The following SKAP2 variants were observed in gnomAD, a reference collection of about 807,000 sequenced individuals.
SKAP2 encodes src kinase-associated phosphoprotein 2.
In SKAP2, 28 loss-of-function variants were observed where a neutral mutation model predicts 54.9. That is an observed-to-expected ratio of 0.51 (90% CI 0.38 to 0.70). The LOEUF (loss-of-function observed/expected upper bound fraction) is 0.70, where lower values mean the gene tolerates loss of function less well. Ranked by LOEUF, SKAP2 falls within the 30% of genes least tolerant of loss-of-function variation. The pLI, the probability that SKAP2 is intolerant of heterozygous loss-of-function variation, is 0.00. For missense variants in SKAP2, 356 were observed against 424.1 expected (o/e 0.84, Z 1.41); for synonymous variants, 137 against 134.3 (o/e 1.02, Z -0.14).
At chr7:26,753,416 C>T (rs1782726351) in intron 4 of SKAP2, among the ~76,000 whole-genome samples, 1 of 151,988 alleles carries the variant, frequency 6.6e-6, no homozygotes, top group Non-Finnish European at 1.5e-5. Context: ...GTTTTGTGTA[C>T]AGGATTTGTA....
At chr7:26,729,729 G>A (rs1787782859) in intron 6 of SKAP2, among the ~76,000 whole-genome samples, 1 of 152,004 alleles carries the variant, frequency 6.6e-6, no homozygotes, top group Non-Finnish European at 1.5e-5. Flanking sequence ...GGGACAAAAG[G>A]GAGTATGATA....
chr7:26,768,969 G>A, intron 4 of SKAP2, among the ~76,000 whole-genome samples: 1 of 152,098 alleles, frequency 6.6e-6, no homozygotes, highest in African/African-American at 2.4e-5. Flanking sequence ...TCTTTGTGGT[G>A]TTCTATGTGT....
chr7:26,703,071 A>G (rs1043813099), intron 9 of SKAP2, among the ~76,000 whole-genome samples: 13 of 152,224 alleles, frequency 8.5e-5, no homozygotes, highest in African/African-American at 3.1e-4. Flanking sequence ...TTTCCAGCCC[A>G]TGCTGCTGGT....
Position 26,669,010 on chromosome 7 carries a change from C to T in SKAP2, c.*656G>A, listed in dbSNP as rs953705151. On this transcript the variant is annotated 3_prime_UTR_variant, in exon 13 of 13. Coordinates refer to ENST00000345317, the MANE Select transcript of SKAP2 (RefSeq NM_003930.5). ...ACCAGGATATTTGTACGGTAAAATG[C>T]TTTGCATGAGTCATACTTCTGGTAC... is the stretch of plus-strand genomic sequence containing the variant. 1 of 152,130 alleles carries T rather than the reference C, an allele frequency of 6.6e-6. No individual in the cohort carries two copies. Among genetic ancestry groups the T allele is most frequent in the African/African-American group, 2.4e-5 (1 of 41,446 alleles). 9.4% of individuals were successfully genotyped at this position (152,130 alleles called of 1,614,324 possible).
intron 4 of SKAP2, among the ~76,000 whole-genome samples, chr7:26,804,506 C>T (rs2127985756): frequency 6.6e-6 from 1 of 152,082 alleles, no homozygotes; most frequent in East Asian, 1.9e-4. Flanking sequence ...TTTGGGAGGC[C>T]AAGGCGGGCA....
intron 10 of SKAP2, among the ~76,000 whole-genome samples, chr7:26,689,555 G>A (rs1210824284): frequency 6.6e-6 from 1 of 152,166 alleles, no homozygotes; most frequent in African/African-American, 2.4e-5. Context: ...AAATGGATAA[G>A]GGGAACATCC....
intron 4 of SKAP2, among the ~76,000 whole-genome samples, chr7:26,832,703 A>G (rs1000076035): frequency 6.6e-6 from 1 of 152,212 alleles, no homozygotes; most frequent in Non-Finnish European, 1.5e-5. Context: ...GAAAAGGTAA[A>G]GAAAGTGGAC....
intron 4 of SKAP2, among the ~76,000 whole-genome samples, chr7:26,753,393 A>C (rs1782725946): frequency 6.6e-6 from 1 of 152,234 alleles, no homozygotes; most frequent in East Asian, 1.9e-4. Flanking sequence ...AGAATGGTAT[A>C]TTTAAAAACC....
At chr7:26,796,699 T>C (rs1222129259) in intron 4 of SKAP2, among the ~76,000 whole-genome samples, 3 of 152,238 alleles carry the variant, frequency 2.0e-5, no homozygotes, top group Admixed American at 1.3e-4. Flanking sequence ...TTCTCATTAA[T>C]TTTCTTAATA....
chr7:26,657,407 C>T, the SKAP2 span, among the ~76,000 whole-genome samples: 2 of 152,188 alleles, frequency 1.3e-5, no homozygotes, highest in African/African-American at 4.8e-5. Flanking sequence ...CATATCCTGT[C>T]ACTGTTCTAG....
At chr7:26,809,395 A>G (rs1432514665) in intron 4 of SKAP2, among the ~76,000 whole-genome samples, 1 of 152,058 alleles carries the variant, frequency 6.6e-6, no homozygotes, top group Non-Finnish European at 1.5e-5. Context: ...CCTGGGCAAC[A>G]AGAGCAAAAC....
chr7:26,759,123 A>T (rs1782867305), intron 4 of SKAP2, among the ~76,000 whole-genome samples: 1 of 152,218 alleles, frequency 6.6e-6, no homozygotes, highest in Non-Finnish European at 1.5e-5. Context: ...TAGTATTCCA[A>T]ATTCCACCTG....
the SKAP2 span, among the ~76,000 whole-genome samples, chr7:26,659,295 G>A: frequency 2.0e-5 from 3 of 151,988 alleles, no homozygotes; most frequent in Admixed American, 2.0e-4. Context: ...CAGATTGTGA[G>A]GGCTCCATGT....
chr7:26,812,884 G>A (rs1784183682), intron 4 of SKAP2, among the ~76,000 whole-genome samples: 1 of 151,680 alleles, frequency 6.6e-6, no homozygotes, highest in African/African-American at 2.4e-5. Flanking sequence ...GGTTTCCCAG[G>A]ATCATAAAAC....
chr7:26,840,361 C>A (rs143558652), intron 4 of SKAP2, among the ~76,000 whole-genome samples: 1 of 152,056 alleles, frequency 6.6e-6, no homozygotes, highest in Non-Finnish European at 1.5e-5. Flanking sequence ...TCACTGAATC[C>A]TTTCACCTTA....
intron 4 of SKAP2, among the ~76,000 whole-genome samples, chr7:26,762,107 T>C (rs1391557161): frequency 6.6e-6 from 1 of 152,048 alleles, no homozygotes; most frequent in Non-Finnish European, 1.5e-5. Context: ...AATTATGATA[T>C]TGCAAAGTTC....
chr7:26,864,381 T>C lies in SKAP2; in HGVS notation c.49A>G (p.Ile17Val). 6.2e-7 allele frequency: 1 copy of C among 1,613,386 alleles called. No individual in the cohort carries two copies. Among genetic ancestry groups the C allele is most frequent in the South Asian group, 1.1e-5 (1 of 91,060 alleles). ...TCTTTACCTGCCAACAGGTTCCTAA[T>C]TTCCTCAGGGAGGGGGTAGGGAGAG... is the stretch of plus-strand genomic sequence containing the variant. Reference protein sequence around the residue: ...TSSPYPLPEEIRNLLADVETF... With the variant: ...TSSPYPLPEEVRNLLADVETF... The change falls in exon 1 of 13, where the codon ATT becomes GTT. Residue 17 changes from isoleucine to valine, a missense_variant. Transcript: ENST00000345317.
At chr7:26,736,073 A>G (rs76794428) in intron 6 of SKAP2, among the ~76,000 whole-genome samples, 2,972 of 152,224 alleles carry the variant, frequency 0.02, 98 homozygotes, top group African/African-American at 0.068. Context: ...TAATTTTTTT[A>G]AAGTGGAAGT....
intron 6 of SKAP2, among the ~76,000 whole-genome samples, chr7:26,734,815 G>A (rs1182403926): frequency 1.3e-5 from 2 of 152,100 alleles, no homozygotes; most frequent in Non-Finnish European, 2.9e-5. Context: ...AAGCCCTCAT[G>A]CCTTAATCAC....
Sources: allele counts gnomAD v4.1 joint callset (sites outside exome capture counted in the v4.1 genomes callset), GRCh38; gene constraint gnomAD v4.1.1; transcripts MANE v1.5; gene names NCBI Gene and HGNC (gene_info 2026-07-23, HGNC 2026-07-21).